TAFA5: variants seen among roughly 807,000 people sequenced by gnomAD.
TAFA5 encodes TAFA chemokine like family member 5.
A neutral mutation model predicts 15.3 loss-of-function variants in TAFA5; 6 were observed. The ratio of observed to expected loss-of-function variants is 0.39; its 90% confidence interval spans 0.21 to 0.77. TAFA5 has a LOEUF of 0.77. TAFA5 is among the 30% of genes least tolerant of loss of function. The pLI is 0.41. For synonymous variants in TAFA5, 103 were observed against 80.7 expected (o/e 1.28, Z -1.48); for missense variants, 161 against 193.1 (o/e 0.83, Z 0.98).
At chr22:48,708,281 C>A (rs930035871) in intron 3 of TAFA5, among the ~76,000 whole-genome samples, 4 of 152,092 alleles carry the variant, frequency 2.6e-5, no homozygotes, top group Non-Finnish European at 4.4e-5. Flanking sequence ...GTTCAGGTTC[C>A]GTCCAGGTGT....
At chr22:48,681,713 C>T (rs900043953) in intron 2 of TAFA5, among the ~76,000 whole-genome samples, 28 of 151,850 alleles carry the variant, frequency 1.8e-4, no homozygotes, top group African/African-American at 6.5e-4. Flanking sequence ...CCAAGAGAGG[C>T]GCTTTCCCTG....
chr22:48,711,297 G>A (rs1929245698), intron 3 of TAFA5, among the ~76,000 whole-genome samples: 4 of 152,226 alleles, frequency 2.6e-5, no homozygotes, highest in Admixed American at 2.0e-4. Context: ...TTGAAGACCT[G>A]TCTCTCAGCC....
chr22:48,560,262 G>A lies in TAFA5; in HGVS notation c.112+70558G>A, dbSNP rs1181236213. Among the ~76,000 whole-genome samples the A allele has an allele frequency of 6.6e-6, 1 of 152,242 alleles. No individual in the cohort carries two copies. The highest frequency in any genetic ancestry group is 1.5e-5 in the Non-Finnish European group (1 of 68,036). On this transcript the variant is annotated intron_variant, in intron 1 of 3. Coordinates refer to ENST00000402357, the MANE Select transcript of TAFA5 (RefSeq NM_001082967.3). This position sits in a 1 kb window ranked among gnomAD's most constrained non-coding sequence, Gnocchi z 4.2. ...CTGTCCCTGTCGTGCGCCCAGGCTG[G>A]TGCCGTCAGGCTCCCGGCATTGGTG...
chr22:48,695,802 T>C (rs191881380), intron 2 of TAFA5, among the ~76,000 whole-genome samples: 5 of 152,174 alleles, frequency 3.3e-5, no homozygotes, highest in African/African-American at 4.8e-5. Flanking sequence ...TGGAAAAAAA[T>C]AGGCGGGCCC....
intron 1 of TAFA5, among the ~76,000 whole-genome samples, chr22:48,584,906 A>ACACACACCACACACACACAC (rs1173784732): frequency 6.7e-6 from 1 of 149,246 alleles, no homozygotes; most frequent in Non-Finnish European, 1.5e-5. Context: ...CATCTCACAC[A>ACACACACCACACACACACAC]CACACACCAC....
intron 1 of TAFA5, among the ~76,000 whole-genome samples, chr22:48,602,081 C>G (rs1464290460): frequency 6.6e-6 from 1 of 152,166 alleles, no homozygotes; most frequent in Non-Finnish European, 1.5e-5. Context: ...AACTACAGGA[C>G]CCTCTGGGTG....
chr22:48,597,651 A>C lies in TAFA5; in HGVS notation c.113-48946A>C, dbSNP rs367669953. Among the ~76,000 whole-genome samples the C allele has an allele frequency of 5.3e-4, 81 of 152,350 alleles. No homozygotes were observed. The South Asian group carries it at 5.8e-3, about 11-fold the overall frequency. ...CTGGCTCACTTGTGAGGGGAACCCC[A>C]CCACATGCGGTTATATCTGCACCTC... On this transcript the variant is annotated intron_variant, in intron 1 of 3. Coordinates refer to ENST00000402357, the MANE Select transcript of TAFA5 (RefSeq NM_001082967.3).
chr22:48,610,455 G>A (rs1925359581), intron 1 of TAFA5, among the ~76,000 whole-genome samples: 2 of 152,250 alleles, frequency 1.3e-5, no homozygotes, highest in African/African-American at 4.8e-5. Context: ...GCGCCCTCAG[G>A]CACCCAGTGA....
At chr22:48,706,607 A>G (rs1214518138) in intron 2 of TAFA5, among the ~76,000 whole-genome samples, 1 of 152,206 alleles carries the variant, frequency 6.6e-6, no homozygotes, top group Non-Finnish European at 1.5e-5. Context: ...CGGTGGTAGA[A>G]TCCTGTGTAT....
intron 1 of TAFA5, among the ~76,000 whole-genome samples, chr22:48,585,390 A>T (rs927088516): frequency 6.7e-6 from 1 of 149,908 alleles, no homozygotes; most frequent in Non-Finnish European, 1.5e-5. Context: ...CACAGCACAC[A>T]CCACACACAC....
intron 2 of TAFA5, among the ~76,000 whole-genome samples, chr22:48,652,748 C>G (rs901161082): frequency 2.0e-5 from 3 of 152,240 alleles, no homozygotes; most frequent in African/African-American, 2.4e-5. Context: ...GACTCATGTT[C>G]CAGGTACCTT....
intron 1 of TAFA5, among the ~76,000 whole-genome samples, chr22:48,612,009 A>G (rs1328208568): frequency 6.6e-6 from 1 of 152,136 alleles, no homozygotes; most frequent in African/African-American, 2.4e-5. Flanking sequence ...CACCTGTAAT[A>G]TAATGAAAGG....
At chr22:48,662,657 G>A (rs192243061) in intron 2 of TAFA5, among the ~76,000 whole-genome samples, 34 of 152,344 alleles carry the variant, frequency 2.2e-4, no homozygotes, top group Non-Finnish European at 4.4e-4. Flanking sequence ...CGAGCTCACC[G>A]GAGCAGGTGT....
At position 48,644,232 on chromosome 22, in the gene TAFA5, G is replaced by C. The variant is rs149710014; in HGVS notation, c.113-2365G>C. Among the ~76,000 whole-genome samples the C allele has an allele frequency of 2.1e-3, 320 of 152,360 alleles. 7 individuals carry two copies. The East Asian group carries it at 0.052, about 25-fold the overall frequency. On this transcript the variant is annotated intron_variant, in intron 1 of 3. Coordinates refer to ENST00000402357, the MANE Select transcript of TAFA5 (RefSeq NM_001082967.3). Reference sequence around the variant, plus strand: ...ACAGCCTTCGGGGAGGGGGCCCCGAGCGGGGGACCAGGGTTTTGCTCATCG... The same window carrying C: ...ACAGCCTTCGGGGAGGGGGCCCCGACCGGGGGACCAGGGTTTTGCTCATCG...
rs1928126791 is a variant in TAFA5, at chr22:48,490,825, C to T, written c.112+1121C>T. On this transcript the variant is annotated intron_variant, in intron 1 of 3. Coordinates refer to ENST00000402357, the MANE Select transcript of TAFA5 (RefSeq NM_001082967.3). This position sits in a 1 kb window ranked among gnomAD's most constrained non-coding sequence, Gnocchi z 5.8. ...GCACCGAACCTCCCTCCACAGACAC[C>T]ACCTCCTCCAGAGCCCCGGGCCTCC... Among the ~76,000 whole-genome samples the T allele has an allele frequency of 8.7e-6, 1 of 115,366 alleles. No homozygotes were observed. Among genetic ancestry groups the T allele is most frequent in the Non-Finnish European group, 1.7e-5 (1 of 58,822 alleles). The allele number at this position is 115,366 out of a possible 152,430, so 75.7% of individuals were successfully genotyped here. A position where few individuals can be genotyped will look rare whatever the true frequency, so the allele number is the denominator to read the frequency against.
chr22:48,544,909 C>T (rs1164181008), intron 1 of TAFA5: 1 of 470,680 alleles, frequency 2.1e-6, no homozygotes, highest in Admixed American at 2.3e-5. Context: ...ATCTGTCCCA[C>T]CTCCTGCCGC....
rs1454094331 is a variant in TAFA5 at position 48,552,513 on chromosome 22, T to C, written c.112+62809T>C. On this transcript the variant is annotated intron_variant, in intron 1 of 3. Transcript: ENST00000402357. This position sits in a 1 kb window ranked among gnomAD's most constrained non-coding sequence, Gnocchi z 4.1. ...GCAGGCCACGAGGTGGGCAGCCTGC[T>C]CTCCTTGGGTCAGGACATGGAGACT... Among the ~76,000 whole-genome samples, 2 of 151,926 alleles carry C rather than the reference T, an allele frequency of 1.3e-5. No individual in the cohort carries two copies. The highest frequency in any genetic ancestry group is 2.9e-5 in the Non-Finnish European group (2 of 67,976).
At chr22:48,709,458 A>C (rs1478709157) in intron 3 of TAFA5, among the ~76,000 whole-genome samples, 2 of 152,162 alleles carry the variant, frequency 1.3e-5, no homozygotes, top group East Asian at 1.9e-4. Context: ...CAACACAAAC[A>C]GCAGGTGCAT....
At chr22:48,623,442 C>T (rs112988477) in intron 1 of TAFA5, among the ~76,000 whole-genome samples, 11 of 151,802 alleles carry the variant, frequency 7.2e-5, no homozygotes, top group African/African-American at 2.2e-4. Flanking sequence ...GGATGTGCTG[C>T]GTGGCCCTGC....
Sources: gnomAD v4.1 joint callset for allele counts (sites outside exome capture counted in the v4.1 genomes callset) on GRCh38, gnomAD v4.1.1 for gene constraint, Gnocchi (gnomAD v3.1) non-coding constraint, MANE v1.5 for transcripts, NCBI Gene and HGNC (gene_info 2026-07-23, HGNC 2026-07-21) for gene names.